TNFSF12: variants seen among roughly 807,000 people sequenced by gnomAD.
TNFSF12 encodes the protein TNF superfamily member 12.
TNFSF12 carries 16 observed loss-of-function variants against 31.2 expected under a neutral mutation model. The ratio of observed to expected loss-of-function variants is 0.51; its 90% CI spans 0.35 to 0.78. TNFSF12 has a LOEUF of 0.78. Among genes scored for constraint, TNFSF12 ranks in the 30% least tolerant of loss-of-function variants. The probability of loss-of-function intolerance (pLI) is 0.01; values close to 1 mark genes in which losing one functional copy is unlikely to be tolerated. For missense variants in TNFSF12, 324 were observed against 338.8 expected (o/e 0.96, Z 0.34); for synonymous variants, 150 against 151.4 (o/e 0.99, Z 0.07).
In TNFSF12 at chr17:7,549,402, G is replaced by T. The variant is rs1567719721; in HGVS notation, c.160-72G>T. On this transcript the variant is annotated intron_variant, in intron 1 of 6. Coordinates refer to ENST00000293825, the MANE Select transcript of TNFSF12 (RefSeq NM_003809.3). The surrounding 1 kb of genome is among the most constrained non-coding windows in gnomAD (Gnocchi z 4.1). ...GGGGCCGCGTGGGCTGAAGGCAAGG[G>T]GAAGGGAGGATGGGTGGAGGGTGAG... 2 of 1,428,016 alleles carry T rather than the reference G, an allele frequency of 1.4e-6. No individual in the cohort carries two copies. Among genetic ancestry groups the T allele is most frequent in the Non-Finnish European group, 1.9e-6 (2 of 1,075,762 alleles). The allele number at this position is 1,428,016 out of a possible 1,614,324, so 88.5% of individuals were successfully genotyped here. A position where few individuals can be genotyped will look rare whatever the true frequency, so the allele number is the denominator to read the frequency against.
At chr17:7,552,373 G>A (rs1279922816) in intron 5 of TNFSF12, among the ~76,000 whole-genome samples, 1 of 149,888 alleles carries the variant, frequency 6.7e-6, no homozygotes, top group Non-Finnish European at 1.5e-5. Context: ...TGTCACCCAG[G>A]CTGGAGTGCA....
rs1296948057 is a variant in TNFSF12 at position 7,550,107 on chromosome 17, C to G, written c.208-13C>G. ...TGGGAGTCTGTGGTTGAACCCTGCC[C>G]TAATTCCCCTAGGAACTGAATCCCC... On this transcript the variant is annotated splice_polypyrimidine_tract_variant and intron_variant, in intron 2 of 6. Transcript: ENST00000293825. The surrounding 1 kb of genome is among the most constrained non-coding windows in gnomAD (Gnocchi z 4.4). The G allele has an allele frequency of 1.2e-6, 2 of 1,613,946 alleles. No individual in the cohort carries two copies. Among genetic ancestry groups the G allele is most frequent in the East Asian group, 2.2e-5 (1 of 44,894 alleles).
rs2070987058 is a variant in TNFSF12, at chr17:7,550,367, G to A, written c.283+172G>A. On this transcript the variant is annotated intron_variant, in intron 3 of 6. Coordinates refer to ENST00000293825, the MANE Select transcript of TNFSF12 (RefSeq NM_003809.3). The surrounding 1 kb of genome is among the most constrained non-coding windows in gnomAD (Gnocchi z 4.4). Reference sequence around the variant, plus strand: ...CTGAAGCTCCTTCTGTCATATGGATGTGCTCCTTCAGACCCTACCCCAAAC... The same window carrying A: ...CTGAAGCTCCTTCTGTCATATGGATATGCTCCTTCAGACCCTACCCCAAAC... Among the ~76,000 whole-genome samples the A allele has an allele frequency of 6.6e-6, 1 of 152,192 alleles. No homozygotes were observed. Among genetic ancestry groups the A allele is most frequent in the African/African-American group, 2.4e-5 (1 of 41,434 alleles).
In TNFSF12 at chr17:7,550,187, G is replaced by A. The variant is rs747298733; in HGVS notation, c.275G>A (p.Arg92His). ...APFLNRLVRP[R>H]RSAPKGRKTR... ...TTCCTGAACCGACTAGTTCGGCCTC[G>A]CAGAAGTGGTGAGCATCCCTCTATC... The change falls in exon 3 of 7, where the codon CGC (arginine) becomes CAC (histidine). Residue 92 changes from arginine to histidine, a missense_variant. Coordinates refer to ENST00000293825, the MANE Select transcript of TNFSF12 (RefSeq NM_003809.3). The surrounding 1 kb of genome is among the most constrained non-coding windows in gnomAD (Gnocchi z 4.4). 23 of 1,613,992 alleles carry A rather than the reference G, an allele frequency of 1.4e-5. No individual in the cohort carries two copies. The highest frequency in any genetic ancestry group is 6.7e-5 in the East Asian group (3 of 44,906).
chr17:7,550,965 C>A lies in TNFSF12; in HGVS notation c.360C>A (p.Asp120Glu), dbSNP rs141377098. ...HYEVHPRPGQ[D>E]GAQAGVDGTV... ...CAGTTCATCCACGACCTGGACAGGACGGAGCGCAGGCAGGTGAGACCCCAT... is the reference window on the plus strand; with the variant it reads ...CAGTTCATCCACGACCTGGACAGGAAGGAGCGCAGGCAGGTGAGACCCCAT... The change falls in exon 5 of 7, where the codon GAC becomes GAA. Residue 120 changes from aspartate to glutamate, a missense_variant. Transcript: ENST00000293825. The surrounding 1 kb of genome is among the most constrained non-coding windows in gnomAD (Gnocchi z 4.4). 6.2e-7 allele frequency: 1 copy of A among 1,613,982 alleles called. No individual in the cohort carries two copies. Among genetic ancestry groups the A allele is most frequent in the South Asian group, 1.1e-5 (1 of 91,068 alleles).
chr17:7,550,346 A>G lies in TNFSF12; in HGVS notation c.283+151A>G. On this transcript the variant is annotated intron_variant, in intron 3 of 6. Transcript: ENST00000293825. The surrounding 1 kb of genome is among the most constrained non-coding windows in gnomAD (Gnocchi z 4.4). ...CCTAGGGATTCTCGCCCTCCTCTGA[A>G]GCTCCTTCTGTCATATGGATGTGCT... The G allele has an allele frequency of 8.1e-7, 1 of 1,236,688 alleles. No individual in the cohort carries two copies. Among genetic ancestry groups the G allele is most frequent in the Non-Finnish European group, 1.1e-6 (1 of 884,888 alleles). 76.6% of individuals were successfully genotyped at this position (1,236,688 alleles called of 1,614,324 possible). A position where few individuals can be genotyped will look rare whatever the true frequency, so the allele number is the denominator to read the frequency against.
rs778908741 is a variant in TNFSF12, at chr17:7,549,552, G to A, written c.207+31G>A. 3.9e-6 allele frequency: 6 copies of A among 1,524,530 alleles called. No individual in the cohort carries two copies. Among genetic ancestry groups the A allele is most frequent in the Middle Eastern group, 1.7e-4 (1 of 5,814 alleles). 94.4% of individuals were successfully genotyped at this position (1,524,530 alleles called of 1,614,324 possible). On this transcript the variant is annotated intron_variant, in intron 2 of 6. Coordinates refer to ENST00000293825, the MANE Select transcript of TNFSF12 (RefSeq NM_003809.3). This position sits in a 1 kb window ranked among gnomAD's most constrained non-coding sequence, Gnocchi z 4.1. ...TGGGCGTGGGCGCGGTCTGCAGGCT[G>A]CTGGGGCATGGGAAGTGTGCACAGC...
rs1392394092 is a variant in TNFSF12 at position 7,557,553 on chromosome 17, C to T, written c.*203C>T. The T allele has an allele frequency of 1.4e-6, 1 of 722,622 alleles. No homozygotes were observed. The highest frequency in any genetic ancestry group is 3.3e-5 in the Admixed American group (1 of 29,882). 44.8% of individuals were successfully genotyped at this position (722,622 alleles called of 1,614,324 possible). On this transcript the variant is annotated 3_prime_UTR_variant, in exon 7 of 7. Coordinates refer to ENST00000293825, the MANE Select transcript of TNFSF12 (RefSeq NM_003809.3). This position sits in a 1 kb window ranked among gnomAD's most constrained non-coding sequence, Gnocchi z 5.2. ...CTCTTATCTTACAACTCCCCCACCG[C>T]CCACTCTCCACCTCACTAGCTCCCC...
intron 5 of TNFSF12, chr17:7,553,485 G>A (rs868814482): frequency 2.0e-6 from 1 of 496,698 alleles, no homozygotes; most frequent in Middle Eastern, 3.2e-4. Flanking sequence ...TGTACTGAGG[G>A]CTTTCTTGAG....
At position 7,550,833 on chromosome 17, in the gene TNFSF12, G is replaced by A. The variant is rs764045774; in HGVS notation, c.318G>A (p.Ala106=). ...PKGRKTRARR[A]IAAHYEVHPR... ...GCCGGAAAACACGGGCTCGAAGAGC[G>A]ATCGCAGCCCATTATGAAGGTGGGT... Residue 106 remains alanine (A), a synonymous_variant, in exon 4 of 7, where the codon GCG becomes GCA. Transcript: ENST00000293825. The surrounding 1 kb of genome is among the most constrained non-coding windows in gnomAD (Gnocchi z 4.4). The A allele has an allele frequency of 1.2e-5, 19 of 1,612,384 alleles. No homozygotes were observed. Among genetic ancestry groups the A allele is most frequent in the South Asian group, 5.5e-5 (5 of 91,038 alleles).
intron 5 of TNFSF12, among the ~76,000 whole-genome samples, chr17:7,556,200 C>T (rs537297846): frequency 1.2e-4 from 18 of 152,026 alleles, no homozygotes; most frequent in African/African-American, 2.4e-4. Flanking sequence ...AGGCTGGTCT[C>T]GAACTCCCGA....
At position 7,549,109 on chromosome 17, in the gene TNFSF12, TC is replaced by T. The variant is rs2070967548; in HGVS notation, c.-42del. On this transcript the variant is annotated 5_prime_UTR_variant, in exon 1 of 7. Transcript: ENST00000293825. The surrounding 1 kb of genome is among the most constrained non-coding windows in gnomAD (Gnocchi z 4.1). Reference sequence around the variant, plus strand: ...GCTCCCCCTCCCCCGATCCCTCGGGTCCCGGGATGGGGGGGCGGTGAGGCAG... The same window carrying T: ...GCTCCCCCTCCCCCGATCCCTCGGGTCCGGGATGGGGGGGCGGTGAGGCAG... The T allele has an allele frequency of 1.6e-6, 2 of 1,230,454 alleles. No individual in the cohort carries two copies. The highest frequency in any genetic ancestry group is 8.6e-5 in the Admixed American group (2 of 23,150). 76.2% of individuals were successfully genotyped at this position (1,230,454 alleles called of 1,614,324 possible).
chr17:7,551,844 G>A (rs2150905509), intron 5 of TNFSF12, among the ~76,000 whole-genome samples: 1 of 152,308 alleles, frequency 6.6e-6, no homozygotes, highest in Middle Eastern at 3.4e-3. Flanking sequence ...CTGGAGTGCA[G>A]TGGTGCAATC....
chr17:7,550,174 C>G lies in TNFSF12; in HGVS notation c.262C>G (p.Leu88Val). The G allele has an allele frequency of 6.2e-7, 1 of 1,614,126 alleles. No homozygotes were observed. Reference protein sequence around the residue: ...SQDPAPFLNRLVRPRRSAPKG... With the variant: ...SQDPAPFLNRVVRPRRSAPKG... ...GGATCCTGCGCCTTTCCTGAACCGACTAGTTCGGCCTCGCAGAAGTGGTGA... is the reference window on the plus strand; with the variant it reads ...GGATCCTGCGCCTTTCCTGAACCGAGTAGTTCGGCCTCGCAGAAGTGGTGA... The change falls in exon 3 of 7, where the codon CTA (leucine) becomes GTA (valine). Residue 88 changes from leucine to valine, a missense_variant. Coordinates refer to ENST00000293825, the MANE Select transcript of TNFSF12 (RefSeq NM_003809.3). This position sits in a 1 kb window ranked among gnomAD's most constrained non-coding sequence, Gnocchi z 4.4.
At position 7,549,614 on chromosome 17, in the gene TNFSF12, T is replaced by G. The variant is rs2070977063; in HGVS notation, c.207+93T>G. 2.1e-6 allele frequency: 3 copies of G among 1,438,664 alleles called. 1 individual carries two copies. 89.1% of individuals were successfully genotyped at this position (1,438,664 alleles called of 1,614,324 possible). A position where few individuals can be genotyped will look rare whatever the true frequency, so the allele number is the denominator to read the frequency against. ...GTGTGTGCAGCTGTGCCAGCCGTAC[T>G]CGAGGTGTGTGCAGGGTGTGTGTGA... On this transcript the variant is annotated intron_variant, in intron 2 of 6. Transcript: ENST00000293825. This position sits in a 1 kb window ranked among gnomAD's most constrained non-coding sequence, Gnocchi z 4.1.
Position 7,549,705 on chromosome 17 carries a change from G to A in TNFSF12, c.207+184G>A. On this transcript the variant is annotated intron_variant, in intron 2 of 6. Coordinates refer to ENST00000293825, the MANE Select transcript of TNFSF12 (RefSeq NM_003809.3). The surrounding 1 kb of genome is among the most constrained non-coding windows in gnomAD (Gnocchi z 4.1). Reference sequence around the variant, plus strand: ...TGCGTGGTGACAACTCTGTGTGAGGGGTTTGTGCTGGGGTTGTGCCACCTG... The same window carrying A: ...TGCGTGGTGACAACTCTGTGTGAGGAGTTTGTGCTGGGGTTGTGCCACCTG... The A allele has an allele frequency of 9.6e-7, 1 of 1,043,380 alleles. No individual in the cohort carries two copies. The highest frequency in any genetic ancestry group is 1.3e-6 in the Non-Finnish European group (1 of 749,412). The allele number at this position is 1,043,380 out of a possible 1,614,324, so 64.6% of individuals were successfully genotyped here. A position where few individuals can be genotyped will look rare whatever the true frequency, so the allele number is the denominator to read the frequency against.
Position 7,557,075 on chromosome 17 carries a change from C to T in TNFSF12, c.499-24C>T, listed in dbSNP as rs745630452. 6.3e-7 allele frequency: 1 copy of T among 1,597,754 alleles called. No homozygotes were observed. Among genetic ancestry groups the T allele is most frequent in the African/African-American group, 1.3e-5 (1 of 74,790 alleles). On this transcript the variant is annotated intron_variant, in intron 6 of 6. Transcript: ENST00000293825. This position sits in a 1 kb window ranked among gnomAD's most constrained non-coding sequence, Gnocchi z 5.2. The stretch of plus-strand genomic sequence containing the variant: ...AGGCGAGGGCAGGCAGAGGCCTGGA[C>T]TCGGCCTGTTGTCCCCACCCCAGGT...
Position 7,549,987 on chromosome 17 carries a change from T to C in TNFSF12, c.208-133T>C. On this transcript the variant is annotated intron_variant, in intron 2 of 6. Transcript: ENST00000293825. This position sits in a 1 kb window ranked among gnomAD's most constrained non-coding sequence, Gnocchi z 4.1. ...TCACCTTTGCCCGGGGCCCCAGCTG[T>C]AGTTGGCTGAGGGGCTTAATCTGTC... 1 of 1,422,104 alleles carries C rather than the reference T, an allele frequency of 7.0e-7. No individual in the cohort carries two copies. The highest frequency in any genetic ancestry group is 2.3e-5 in the East Asian group (1 of 43,544). 88.1% of individuals were successfully genotyped at this position (1,422,104 alleles called of 1,614,324 possible). A position where few individuals can be genotyped will look rare whatever the true frequency, so the allele number is the denominator to read the frequency against.
chr17:7,551,238 ATTC>A (rs999439797), intron 5 of TNFSF12, among the ~76,000 whole-genome samples: 21 of 152,028 alleles, frequency 1.4e-4, no homozygotes, highest in Non-Finnish European at 2.6e-4. Flanking sequence ...AGCACTTTTC[ATTC>A]TTTTTTCTTC....
Sources: gnomAD v4.1 joint callset for allele counts (sites outside exome capture counted in the v4.1 genomes callset) on GRCh38, gnomAD v4.1.1 for gene constraint, Gnocchi (gnomAD v3.1) non-coding constraint, MANE v1.5 for transcripts, NCBI Gene and HGNC (gene_info 2026-07-23, HGNC 2026-07-21) for gene names.